B3GALT1: variants seen among roughly 807,000 people sequenced by gnomAD.
B3GALT1 encodes the protein beta-1,3-galactosyltransferase 1.
Under a neutral mutation model 23.2 loss-of-function variants are expected in B3GALT1, and 10 were observed. That is an observed-to-expected ratio of 0.43 (90% CI 0.27 to 0.73). B3GALT1 has a LOEUF of 0.73. Ranked by LOEUF, B3GALT1 falls within the 30% of genes least tolerant of loss-of-function variation. B3GALT1 has a pLI of 0.21. For missense variants in B3GALT1, 299 were observed against 405.4 expected (o/e 0.74, Z 2.25); for synonymous variants, 156 against 141.5 (o/e 1.10, Z -0.73).
At chr2:167,483,916 C>T (rs1919854) in intron 1 of B3GALT1, among the ~76,000 whole-genome samples, 59,501 of 151,860 alleles carry the variant, frequency 0.39, 12,548 homozygotes, top group East Asian at 0.84. Context: ...CCATGGATCG[C>T]ATGGAAATTC....
At chr2:167,723,681 C>A (rs1218562152) in intron 3 of B3GALT1, among the ~76,000 whole-genome samples, 1 of 152,026 alleles carries the variant, frequency 6.6e-6, no homozygotes. Flanking sequence ...CAGGTGCATG[C>A]CACCACACCC....
intron 2 of B3GALT1, among the ~76,000 whole-genome samples, chr2:167,616,392 T>C (rs1685163046): frequency 6.6e-6 from 1 of 151,980 alleles, no homozygotes. Context: ...CATCTGTGTC[T>C]CTGTAGGAAA....
At chr2:167,665,942 C>CT (rs1686173545) in intron 3 of B3GALT1, among the ~76,000 whole-genome samples, 1 of 151,858 alleles carries the variant, frequency 6.6e-6, no homozygotes. Context: ...TTTTGAAGGG[C>CT]TTTTTGTGTC....
intron 1 of B3GALT1, among the ~76,000 whole-genome samples, chr2:167,437,620 C>A (rs545310745): frequency 6.6e-6 from 1 of 152,324 alleles, no homozygotes; most frequent in South Asian, 2.1e-4. Context: ...TATGAATTCA[C>A]TACCCAAATG....
chr2:167,351,263 C>T lies in B3GALT1; in HGVS notation c.-511+57929C>T, dbSNP rs1417373770. 4.2e-5 allele frequency among the ~76,000 whole-genome samples: 6 copies of T among 143,710 alleles called. No homozygotes were observed. In the East Asian group the frequency reaches 6.1e-4, roughly 15 times the overall value. The allele number at this position is 143,710 out of a possible 152,430, so 94.3% of individuals were successfully genotyped here. A position where few individuals can be genotyped will look rare whatever the true frequency, so the allele number is the denominator to read the frequency against. On this transcript the variant is annotated intron_variant, in intron 1 of 4. Coordinates refer to ENST00000392690, the MANE Select transcript of B3GALT1 (RefSeq NM_020981.4). ...CAGCCTGGGCAATAGAGTGAGACTC[C>T]GTCTCAAAAAAAAAAAAAAACGAAA...
intron 1 of B3GALT1, among the ~76,000 whole-genome samples, chr2:167,351,407 G>GT (rs912513654): frequency 6.6e-6 from 1 of 152,194 alleles, no homozygotes; most frequent in Non-Finnish European, 1.5e-5. Context: ...TATTCCTGTA[G>GT]TTTTTTCTAA....
intron 1 of B3GALT1, among the ~76,000 whole-genome samples, chr2:167,434,225 C>T (rs558527090): frequency 6.6e-6 from 1 of 151,956 alleles, no homozygotes; most frequent in Non-Finnish European, 1.5e-5. Context: ...AACTGCTTGC[C>T]AAGAAAACCA....
intron 1 of B3GALT1, among the ~76,000 whole-genome samples, chr2:167,317,003 C>A (rs1475034329): frequency 1.3e-5 from 2 of 152,026 alleles, no homozygotes; most frequent in Non-Finnish European, 2.9e-5. Flanking sequence ...GAGTTTCTGT[C>A]AATCTTTTGA....
Position 167,577,980 on chromosome 2 carries a change from A to G in B3GALT1, c.-409-68929A>G, listed in dbSNP as rs749413966. The stretch of plus-strand genomic sequence containing the variant: ...TCAAGTTGTCCTTGAAATTGAGTAT[A>G]TTAAAATCTTGCATAAATAAAGCAA... On this transcript the variant is annotated intron_variant, in intron 2 of 4. Transcript: ENST00000392690. Among the ~76,000 whole-genome samples the G allele has an allele frequency of 1.3e-4, 20 of 152,122 alleles. 1 individual carries two copies. In the South Asian group the frequency reaches 1.4e-3, roughly 11 times the overall value.
intron 2 of B3GALT1, among the ~76,000 whole-genome samples, chr2:167,506,720 G>A (rs931362003): frequency 6.6e-6 from 1 of 152,154 alleles, no homozygotes; most frequent in African/African-American, 2.4e-5. Context: ...GTAGCATGTG[G>A]CATAATACAC....
intron 3 of B3GALT1, among the ~76,000 whole-genome samples, chr2:167,740,098 CTAAATAAA>C (rs57363909): frequency 0.019 from 2,775 of 142,966 alleles, 85 homozygotes; most frequent in African/African-American, 0.063. Flanking sequence ...GACTCTGTCT[CTAAATAAA>C]TAAATAAATA....
chr2:167,637,002 A>AG (rs1459031950), intron 2 of B3GALT1, among the ~76,000 whole-genome samples: 2 of 151,950 alleles, frequency 1.3e-5, no homozygotes, highest in African/African-American at 4.8e-5. Flanking sequence ...ATAAAAAAAA[A>AG]TAGAAGGTAG....
chr2:167,830,230 A>G (rs138365382), intron 4 of B3GALT1, among the ~76,000 whole-genome samples: 1 of 152,284 alleles, frequency 6.6e-6, no homozygotes, highest in Non-Finnish European at 1.5e-5. Flanking sequence ...TTCCTGAATG[A>G]CAAACCTCAC....
intron 2 of B3GALT1, among the ~76,000 whole-genome samples, chr2:167,536,665 G>A (rs1683432432): frequency 6.6e-6 from 1 of 152,116 alleles, no homozygotes; most frequent in South Asian, 2.1e-4. Context: ...AAATGTGAAA[G>A]AAAAGCAGTA....
chr2:167,543,431 C>G lies in B3GALT1; in HGVS notation c.-410+53154C>G, dbSNP rs76753777. On this transcript the variant is annotated intron_variant, in intron 2 of 4. Transcript: ENST00000392690. Reference sequence around the variant, plus strand: ...TAAATGCTTATGACATGATTATGCACCACATATGAAGATATAAGGTATGCT... The same window carrying G: ...TAAATGCTTATGACATGATTATGCAGCACATATGAAGATATAAGGTATGCT... Among the ~76,000 whole-genome samples the G allele has an allele frequency of 3.0e-3, 451 of 152,000 alleles. 14 individuals carry two copies. In the East Asian group the frequency reaches 0.066, roughly 22 times the overall value.
chr2:167,598,790 G>C (rs1045279625), intron 2 of B3GALT1, among the ~76,000 whole-genome samples: 2 of 152,098 alleles, frequency 1.3e-5, no homozygotes, highest in South Asian at 2.1e-4. Flanking sequence ...ACCTGAAATG[G>C]CTTCAATTAT....
chr2:167,418,009 A>T (rs1395846045), intron 1 of B3GALT1, among the ~76,000 whole-genome samples: 3 of 152,214 alleles, frequency 2.0e-5, no homozygotes, highest in Admixed American at 1.3e-4. Flanking sequence ...GCAGCTTAGA[A>T]GAGTTTCTTA....
chr2:167,344,935 G>T (rs1427312980), intron 1 of B3GALT1, among the ~76,000 whole-genome samples: 1 of 152,100 alleles, frequency 6.6e-6, no homozygotes, highest in Non-Finnish European at 1.5e-5. Flanking sequence ...TTCAACACTG[G>T]ATTTACACAG....
At chr2:167,523,007 G>A (rs947621090) in intron 2 of B3GALT1, among the ~76,000 whole-genome samples, 5 of 152,110 alleles carry the variant, frequency 3.3e-5, no homozygotes, top group Non-Finnish European at 5.9e-5. Context: ...TGGTAAACCA[G>A]TGATTTTCAT....
Sources: gnomAD v4.1 joint callset for allele counts (sites outside exome capture counted in the v4.1 genomes callset) on GRCh38, gnomAD v4.1.1 for gene constraint, MANE v1.5 for transcripts, NCBI Gene and HGNC (gene_info 2026-07-23, HGNC 2026-07-21) for gene names.